Variants in SYN3 observed in about 807,000 individuals in gnomAD.
SYN3 encodes synapsin III.
Under a neutral mutation model 65.8 loss-of-function variants are expected in SYN3, and 35 were observed. That is an observed-to-expected ratio of 0.53 (90% CI 0.41 to 0.70). SYN3 has a LOEUF of 0.70. Among genes scored for constraint, SYN3 ranks in the 30% least tolerant of loss-of-function variants. The pLI, the probability that SYN3 is intolerant of heterozygous loss-of-function variation, is 0.00. For synonymous variants in SYN3, 270 were observed against 292.9 expected, an observed-to-expected ratio of 0.92 and a Z score of 0.80; for missense variants, 680 against 749.0, an observed-to-expected ratio of 0.91 and a Z score of 1.08.
At chr22:32,782,870 G>C (rs535027590) in intron 6 of SYN3, among the ~76,000 whole-genome samples, 1 of 152,148 alleles carries the variant, frequency 6.6e-6, no homozygotes, top group Non-Finnish European at 1.5e-5. Context: ...ATGGATCTGC[G>C]CCCTGAAGGA....
chr22:32,626,395 C>T (rs928028435), intron 6 of SYN3, among the ~76,000 whole-genome samples: 4 of 152,118 alleles, frequency 2.6e-5, no homozygotes, highest in African/African-American at 4.8e-5. Context: ...AGATGGGCTG[C>T]GGTCATTTCT....
At chr22:32,678,752 G>T (rs1217021397) in intron 6 of SYN3, among the ~76,000 whole-genome samples, 4 of 151,850 alleles carry the variant, frequency 2.6e-5, no homozygotes, top group African/African-American at 7.3e-5. Context: ...ATTCATCTCA[G>T]CTTGTGTGAC....
intron 7 of SYN3, among the ~76,000 whole-genome samples, chr22:32,547,655 G>A (rs1366493968): frequency 6.6e-6 from 1 of 152,220 alleles, no homozygotes; most frequent in South Asian, 2.1e-4. Context: ...GAGCAAGGAG[G>A]GAGAGTGGAA....
At chr22:32,904,528 GT>G (rs927739993) in intron 4 of SYN3, among the ~76,000 whole-genome samples, 67 of 146,724 alleles carry the variant, frequency 4.6e-4, no homozygotes, top group African/African-American at 1.2e-3. Flanking sequence ...CAAGTTTTTT[GT>G]TTTTTTTTTT....
chr22:32,535,704 C>T (rs1262731982), intron 9 of SYN3, among the ~76,000 whole-genome samples: 5 of 152,150 alleles, frequency 3.3e-5, no homozygotes, highest in Admixed American at 6.5e-5. Flanking sequence ...CTGCTGGCTA[C>T]GCCCCATAGG....
At chr22:32,874,166 C>T (rs867280921) in intron 4 of SYN3, among the ~76,000 whole-genome samples, 19 of 152,080 alleles carry the variant, frequency 1.2e-4, no homozygotes, top group Middle Eastern at 3.4e-3. Context: ...AGAAAAATCC[C>T]CCAACCTTTT....
chr22:32,616,409 T>A (rs1210994538), intron 6 of SYN3, among the ~76,000 whole-genome samples: 1 of 150,828 alleles, frequency 6.6e-6, no homozygotes, highest in Non-Finnish European at 1.5e-5. Flanking sequence ...GAGGGAGGAG[T>A]CATTGCTGAC....
At chr22:32,637,893 C>G (rs1257317342) in intron 6 of SYN3, among the ~76,000 whole-genome samples, 1 of 152,158 alleles carries the variant, frequency 6.6e-6, no homozygotes, top group African/African-American at 2.4e-5. Context: ...CCCGCCTTGG[C>G]CTCCCAAAGT....
chr22:32,572,271 CCCCCTCCCTCCCTCCCTCCT>C (rs2058771694), intron 7 of SYN3, among the ~76,000 whole-genome samples: 1 of 102,134 alleles, frequency 9.8e-6, no homozygotes, highest in Non-Finnish European at 1.9e-5. Context: ...TCCTTCCTTC[CCCCCTCCCTCCCTCCCTCCT>C]TCCTTCCTTC....
At chr22:32,968,281 C>G (rs2051908980) in intron 3 of SYN3, among the ~76,000 whole-genome samples, 1 of 152,058 alleles carries the variant, frequency 6.6e-6, no homozygotes, top group Non-Finnish European at 1.5e-5. Flanking sequence ...TTATGAAGTC[C>G]CTTCCATGTG....
intron 6 of SYN3, among the ~76,000 whole-genome samples, chr22:32,687,612 T>C (rs1351042742): frequency 6.6e-6 from 1 of 152,178 alleles, no homozygotes; most frequent in Non-Finnish European, 1.5e-5. Flanking sequence ...TGCTTAAAAC[T>C]TTGGTTGGTT....
At chr22:33,010,980 GT>G (rs1280023264) in intron 1 of SYN3, among the ~76,000 whole-genome samples, 3 of 152,108 alleles carry the variant, frequency 2.0e-5, no homozygotes, top group Non-Finnish European at 4.4e-5. Context: ...GCTACTAGTT[GT>G]TTATAGATTC....
At chr22:32,685,936 A>G (rs1191762678) in intron 6 of SYN3, among the ~76,000 whole-genome samples, 1 of 152,188 alleles carries the variant, frequency 6.6e-6, no homozygotes, top group Non-Finnish European at 1.5e-5. Context: ...AGGATGGGAA[A>G]ATGTGCCTGT....
intron 7 of SYN3, among the ~76,000 whole-genome samples, chr22:32,563,223 C>T (rs1014227464): frequency 3.3e-5 from 5 of 152,336 alleles, no homozygotes; most frequent in African/African-American, 1.2e-4. Context: ...CAGGCAGGGC[C>T]TGGCATGTAG....
chr22:32,780,978 C>CTTT, intron 6 of SYN3, among the ~76,000 whole-genome samples: 1 of 69,374 alleles, frequency 1.4e-5, no homozygotes, highest in South Asian at 6.7e-4. Context: ...TCCTTCCTTC[C>CTTT]CTCCTTCCTT....
At position 32,803,873 on chromosome 22, in the gene SYN3, C is replaced by T. The variant is rs573487733; in HGVS notation, c.711+61042G>A. Reference sequence around the variant, plus strand: ...TTGGTATGTAGTGGGAGTAGGTCCCCATTCTTCCCCCTTGCCCTTTGCTTT... The same window carrying T: ...TTGGTATGTAGTGGGAGTAGGTCCCTATTCTTCCCCCTTGCCCTTTGCTTT... On this transcript the variant is annotated intron_variant, in intron 6 of 13. Coordinates refer to ENST00000358763, the MANE Select transcript of SYN3 (RefSeq NM_003490.4). Among the ~76,000 whole-genome samples the T allele has an allele frequency of 7.2e-5, 11 of 152,280 alleles. No homozygotes were observed. The South Asian group carries it at 2.3e-3, about 32-fold the overall frequency.
chr22:32,593,809 C>A (rs1440150726), intron 7 of SYN3, among the ~76,000 whole-genome samples: 1 of 152,010 alleles, frequency 6.6e-6, no homozygotes, highest in Non-Finnish European at 1.5e-5. Flanking sequence ...AGGTAGCTGA[C>A]AAGAGCACTC....
intron 6 of SYN3, among the ~76,000 whole-genome samples, chr22:32,744,363 C>T (rs550629610): frequency 3.6e-4 from 55 of 152,244 alleles, no homozygotes; most frequent in African/African-American, 6.0e-4. Context: ...AAATCACCAA[C>T]GGGAAGCGAT....
intron 6 of SYN3, among the ~76,000 whole-genome samples, chr22:32,834,715 G>T (rs2047679549): frequency 6.6e-6 from 1 of 152,210 alleles, no homozygotes; most frequent in Non-Finnish European, 1.5e-5. Context: ...AGCTGGCCCT[G>T]TGCTTTGCAG....
Sources: gnomAD v4.1 joint callset for allele counts (sites outside exome capture counted in the v4.1 genomes callset) on GRCh38, gnomAD v4.1.1 for gene constraint, MANE v1.5 for transcripts, NCBI Gene and HGNC (gene_info 2026-07-23, HGNC 2026-07-21) for gene names.